The following DLGAP2 variants were observed in gnomAD, a reference collection of about 807,000 sequenced individuals.
DLGAP2 encodes disks large-associated protein 2.
A neutral mutation model predicts 100.3 loss-of-function variants in DLGAP2; 26 were observed. The ratio of observed to expected loss-of-function variants is 0.26; its 90% CI spans 0.19 to 0.36. DLGAP2 has a LOEUF of 0.36. DLGAP2 is among the 10% of genes least tolerant of loss of function. The pLI, the probability that DLGAP2 is intolerant of heterozygous loss-of-function variation, is 1.00. For synonymous variants in DLGAP2, 886 were observed against 630.1 expected (o/e 1.41, Z -6.08); for missense variants, 1,858 against 1,453.2 (o/e 1.28, Z -4.53).
chr8:1,631,780 G>A (rs797001503), intron 7 of DLGAP2, among the ~76,000 whole-genome samples: 31 of 152,324 alleles, frequency 2.0e-4, no homozygotes, highest in African/African-American at 7.5e-4. Context: ...CTTCCAGCAC[G>A]TAGGTCACCT....
intron 3 of DLGAP2, among the ~76,000 whole-genome samples, chr8:1,413,999 C>G (rs746514993): frequency 1.3e-5 from 2 of 152,100 alleles, no homozygotes; most frequent in African/African-American, 2.4e-5. Context: ...AGCAAATAGT[C>G]AAAAAGTGCA....
intron 3 of DLGAP2, among the ~76,000 whole-genome samples, chr8:1,303,648 T>TA (rs1481570433): frequency 3.9e-5 from 6 of 152,160 alleles, no homozygotes; most frequent in Non-Finnish European, 7.4e-5. Flanking sequence ...AACACACTCC[T>TA]AACTCCCCAA....
chr8:963,518 G>T (rs1043855106), intron 2 of DLGAP2, among the ~76,000 whole-genome samples: 1 of 151,836 alleles, frequency 6.6e-6, no homozygotes, highest in South Asian at 2.1e-4. Context: ...ATATTCATAT[G>T]GATGACTATT....
intron 10 of DLGAP2, among the ~76,000 whole-genome samples, chr8:1,670,463 G>A (rs778851712): frequency 3.9e-5 from 6 of 152,154 alleles, no homozygotes; most frequent in Non-Finnish European, 8.8e-5. Flanking sequence ...ACCCCTTCCC[G>A]GAGGCCTCTC....
intron 1 of DLGAP2, among the ~76,000 whole-genome samples, chr8:796,390 G>A (rs1226930285): frequency 2.0e-5 from 3 of 151,784 alleles, no homozygotes; most frequent in Non-Finnish European, 2.9e-5. Context: ...TGCCTTTCAC[G>A]GTACCCTCAG....
Position 993,454 on chromosome 8 carries a change from CCCCAT to C in DLGAP2, c.73+85489_73+85493del, listed in dbSNP as rs1563132668. Reference sequence around the variant, plus strand: ...CCCACCTTGCCCAGACCCCCTGCACCCCCATACTCGGAGTTCCTGTTCTTCTCTCC... The same window carrying C: ...CCCACCTTGCCCAGACCCCCTGCACCACTCGGAGTTCCTGTTCTTCTCTCC... On this transcript the variant is annotated intron_variant, in intron 2 of 14. Transcript: ENST00000637795. 9.2e-3 allele frequency among the ~76,000 whole-genome samples: 468 copies of C among 50,650 alleles called. 183 individuals are homozygous for C. Among genetic ancestry groups the C allele is most frequent in the African/African-American group, 0.025 (256 of 10,138 alleles). 33.2% of individuals were successfully genotyped at this position (50,650 alleles called of 152,430 possible). A position where few individuals can be genotyped will look rare whatever the true frequency, so the allele number is the denominator to read the frequency against.
rs567038287 is a variant in DLGAP2 at position 1,542,458 on chromosome 8, T to C, written c.173-6168T>C. ...TCTGTTTTCCATTTTGAGATCTGCC[T>C]GTTCTGCACACTTCATATGAATGAA... On this transcript the variant is annotated intron_variant, in intron 4 of 14. Transcript: ENST00000637795. Among the ~76,000 whole-genome samples, 6 of 152,378 alleles carry C rather than the reference T, an allele frequency of 3.9e-5. No homozygotes were observed. In the South Asian group the frequency reaches 6.2e-4, roughly 16 times the overall value.
At chr8:1,392,135 T>G (rs1410545496) in intron 3 of DLGAP2, among the ~76,000 whole-genome samples, 1 of 152,168 alleles carries the variant, frequency 6.6e-6, no homozygotes, top group Non-Finnish European at 1.5e-5. Context: ...ATCTCTAATT[T>G]TTCAGAGGCT....
At chr8:1,330,604 A>C (rs1180872034) in intron 3 of DLGAP2, among the ~76,000 whole-genome samples, 2 of 136,794 alleles carry the variant, frequency 1.5e-5, no homozygotes, top group East Asian at 4.7e-4. Context: ...ACGGGGACCG[A>C]GTTCTGGGTG....
chr8:1,000,231 G>C (rs1236837352), intron 2 of DLGAP2, among the ~76,000 whole-genome samples: 1 of 151,502 alleles, frequency 6.6e-6, no homozygotes, highest in Non-Finnish European at 1.5e-5. Flanking sequence ...GACAGATCCA[G>C]GTGGGGGTGG....
chr8:1,094,700 G>T (rs1029450179), intron 2 of DLGAP2, among the ~76,000 whole-genome samples: 8 of 152,210 alleles, frequency 5.3e-5, no homozygotes, highest in Admixed American at 1.3e-4. Context: ...CCGTGCAGCG[G>T]GCACAAGAGT....
chr8:1,050,905 G>C (rs1175078232), intron 2 of DLGAP2, among the ~76,000 whole-genome samples: 1 of 151,360 alleles, frequency 6.6e-6, no homozygotes, highest in Non-Finnish European at 1.5e-5. Flanking sequence ...GCCTTAGATC[G>C]AGAGAGGCTG....
intron 1 of DLGAP2, among the ~76,000 whole-genome samples, chr8:859,552 G>T (rs564275745): frequency 6.6e-6 from 1 of 152,240 alleles, no homozygotes; most frequent in South Asian, 2.1e-4. Flanking sequence ...TACAACACAG[G>T]GACTGAATGG....
At chr8:945,321 C>G (rs1180355352) in intron 2 of DLGAP2, among the ~76,000 whole-genome samples, 1 of 152,158 alleles carries the variant, frequency 6.6e-6, no homozygotes, top group Non-Finnish European at 1.5e-5. Flanking sequence ...GGCCTGTCAC[C>G]AGAAACAATT....
chr8:1,108,493 C>T (rs1585067653), intron 2 of DLGAP2, among the ~76,000 whole-genome samples: 2 of 151,920 alleles, frequency 1.3e-5, no homozygotes, highest in East Asian at 3.9e-4. Flanking sequence ...GTGCACGTGC[C>T]TGTGACGTGT....
intron 2 of DLGAP2, among the ~76,000 whole-genome samples, chr8:1,207,119 G>A (rs1171655939): frequency 6.6e-6 from 1 of 152,164 alleles, no homozygotes; most frequent in Non-Finnish European, 1.5e-5. Context: ...GATTTTTGGG[G>A]AACAGGTGGT....
chr8:1,088,897 C>A (rs1804072882), intron 2 of DLGAP2, among the ~76,000 whole-genome samples: 1 of 130,774 alleles, frequency 7.6e-6, no homozygotes, highest in Admixed American at 7.6e-5. Context: ...CGTTCTCGCT[C>A]CCCCCGCCTC....
chr8:1,672,540 TTC>T (rs1798717215), intron 10 of DLGAP2, among the ~76,000 whole-genome samples: 1 of 152,162 alleles, frequency 6.6e-6, no homozygotes, highest in Non-Finnish European at 1.5e-5. Flanking sequence ...GGAGATCAGT[TTC>T]TATTCTGTGA....
At chr8:1,274,884 ATTACT>A (rs996142079) in intron 3 of DLGAP2, among the ~76,000 whole-genome samples, 5 of 152,130 alleles carry the variant, frequency 3.3e-5, no homozygotes, top group Non-Finnish European at 5.9e-5. Context: ...TTCGGTAGCA[ATTACT>A]TTATGAATAT....
Sources: allele counts gnomAD v4.1 joint callset (sites outside exome capture counted in the v4.1 genomes callset), GRCh38; gene constraint gnomAD v4.1.1; transcripts MANE v1.5; gene names NCBI Gene and HGNC (gene_info 2026-07-23, HGNC 2026-07-21).